Variants in ERC2 observed in about 807,000 individuals in gnomAD.
ERC2 encodes the protein ELKS/RAB6-interacting/CAST family member 2.
A neutral mutation model predicts 114.8 loss-of-function variants in ERC2; 42 were observed. The observed-to-expected ratio is 0.37, with a 90% CI of 0.29 to 0.47. The LOEUF (loss-of-function observed/expected upper bound fraction) is 0.47. Ranked by LOEUF, ERC2 falls within the 20% of genes least tolerant of loss-of-function variation. The pLI, the probability that ERC2 is intolerant of heterozygous loss-of-function variation, is 0.99. For missense variants in ERC2, 939 were observed against 1,150.7 expected (o/e 0.82, Z 2.66); for synonymous variants, 454 against 425.5 (o/e 1.07, Z -0.82).
intron 2 of ERC2, among the ~76,000 whole-genome samples, chr3:56,341,040 C>T (rs776651663): frequency 6.6e-6 from 1 of 152,162 alleles, no homozygotes; most frequent in African/African-American, 2.4e-5. Context: ...GTTGATCCTT[C>T]TTCCTCTGTT....
At chr3:56,047,035 T>A (rs534411601) in intron 7 of ERC2, among the ~76,000 whole-genome samples, 10 of 152,302 alleles carry the variant, frequency 6.6e-5, no homozygotes, top group East Asian at 1.9e-4. Flanking sequence ...GAAGAAAACA[T>A]AAACCCGGGC....
chr3:56,064,967 C>T (rs1401405), intron 7 of ERC2, among the ~76,000 whole-genome samples: 96,626 of 152,120 alleles, frequency 0.64, 31,944 homozygotes, highest in East Asian at 0.74. Context: ...TATTAAGCAC[C>T]TATAACATGC....
At chr3:56,377,863 A>C (rs1164270654) in intron 2 of ERC2, among the ~76,000 whole-genome samples, 1 of 142,902 alleles carries the variant, frequency 7.0e-6, no homozygotes, top group Non-Finnish European at 1.5e-5. Context: ...AAAAAAAAAA[A>C]CAAAAAACAA....
At chr3:55,530,581 T>C (rs946173646) in intron 17 of ERC2, among the ~76,000 whole-genome samples, 8 of 152,162 alleles carry the variant, frequency 5.3e-5, no homozygotes, top group African/African-American at 1.7e-4. Context: ...TCATCTCCTA[T>C]GGTTGGAGCC....
In ERC2 at chr3:55,808,719, AT is replaced by A. The variant is rs1220559255; in HGVS notation, c.2565-73802del. The stretch of plus-strand genomic sequence containing the variant: ...CATAATTTTATATATATATATATAT[AT>A]ATATATATATATATATATATATAAC... On this transcript the variant is annotated intron_variant, in intron 14 of 17. Transcript: ENST00000288221. Among the ~76,000 whole-genome samples the A allele has an allele frequency of 3.7e-3, 415 of 111,142 alleles. 9 individuals carry two copies. The highest frequency in any genetic ancestry group is 0.015 in the African/African-American group (391 of 26,168). The allele number at this position is 111,142 out of a possible 152,430, so 72.9% of individuals were successfully genotyped here.
intron 3 of ERC2, among the ~76,000 whole-genome samples, chr3:56,211,856 A>C (rs998448262): frequency 3.9e-5 from 6 of 152,214 alleles, no homozygotes; most frequent in African/African-American, 1.4e-4. Context: ...TGGGGAAAGA[A>C]CACCCTATTC....
chr3:55,953,617 C>T (rs2149450915), intron 12 of ERC2, among the ~76,000 whole-genome samples: 1 of 152,244 alleles, frequency 6.6e-6, no homozygotes, highest in South Asian at 2.1e-4. Flanking sequence ...AGCAGAGCCT[C>T]ACTACCAGAT....
chr3:55,607,287 T>C (rs1265456481), intron 17 of ERC2, among the ~76,000 whole-genome samples: 3 of 152,010 alleles, frequency 2.0e-5, no homozygotes, highest in African/African-American at 7.2e-5. Context: ...CAACCCAGAC[T>C]GGGGGTGAGT....
intron 2 of ERC2, among the ~76,000 whole-genome samples, chr3:56,341,874 C>T (rs1196242627): frequency 1.3e-5 from 2 of 152,160 alleles, no homozygotes; most frequent in East Asian, 1.9e-4. Context: ...ATGCAGGATT[C>T]GAGATCTCAG....
chr3:55,849,992 G>A (rs1311685571), intron 14 of ERC2, among the ~76,000 whole-genome samples: 1 of 152,196 alleles, frequency 6.6e-6, no homozygotes, highest in Non-Finnish European at 1.5e-5. Flanking sequence ...CAAGATGTCA[G>A]CAGAGTTGGT....
chr3:56,245,877 C>G (rs1464396343), intron 3 of ERC2, among the ~76,000 whole-genome samples: 1 of 152,046 alleles, frequency 6.6e-6, no homozygotes, highest in Non-Finnish European at 1.5e-5. Flanking sequence ...ATTTCCTTCC[C>G]TACCTGAATG....
intron 17 of ERC2, among the ~76,000 whole-genome samples, chr3:55,664,730 AGGTTGTGG>A (rs2061289041): frequency 5.3e-5 from 8 of 152,312 alleles, no homozygotes; most frequent in Middle Eastern, 3.4e-3. Context: ...GCTTCAGGCG[AGGTTGTGG>A]GGAAACCAAA....
intron 7 of ERC2, among the ~76,000 whole-genome samples, chr3:56,065,187 A>G (rs1252050930): frequency 6.6e-6 from 1 of 152,166 alleles, no homozygotes; most frequent in Non-Finnish European, 1.5e-5. Context: ...GGGTCCCCCT[A>G]AAATTGTAAA....
intron 16 of ERC2, among the ~76,000 whole-genome samples, chr3:55,690,774 T>G (rs1457020855): frequency 6.6e-6 from 1 of 152,224 alleles, no homozygotes; most frequent in African/African-American, 2.4e-5. Flanking sequence ...TTTCCCATAC[T>G]CAGTGAAGAC....
chr3:55,579,741 A>G (rs72870490), intron 17 of ERC2, among the ~76,000 whole-genome samples: 30,816 of 152,224 alleles, frequency 0.2, 3,219 homozygotes, highest in African/African-American at 0.26. Flanking sequence ...CGTTTACAGG[A>G]TCTCCTAAAC....
At chr3:56,249,651 C>A (rs975184876) in intron 3 of ERC2, among the ~76,000 whole-genome samples, 2 of 151,544 alleles carry the variant, frequency 1.3e-5, no homozygotes, top group African/African-American at 4.9e-5. Context: ...ACCTTTCTAA[C>A]CCTCAGTTTC....
At chr3:55,866,123 G>C (rs1333631141) in intron 14 of ERC2, among the ~76,000 whole-genome samples, 1 of 152,016 alleles carries the variant, frequency 6.6e-6, no homozygotes, top group Non-Finnish European at 1.5e-5. Context: ...ACTTGTAATT[G>C]CCTGTCTTTT....
At chr3:56,451,230 C>G (rs1296127188) in intron 1 of ERC2, among the ~76,000 whole-genome samples, 1 of 152,188 alleles carries the variant, frequency 6.6e-6, no homozygotes. Flanking sequence ...ACTCTGCCCC[C>G]TTGGCCCTAA....
intron 3 of ERC2, among the ~76,000 whole-genome samples, chr3:56,261,982 G>A (rs1240297257): frequency 6.6e-6 from 1 of 152,102 alleles, no homozygotes; most frequent in African/African-American, 2.4e-5. Flanking sequence ...TTCTGTTCCT[G>A]TGTTAGTTTG....
Sources: allele counts gnomAD v4.1 joint callset (sites outside exome capture counted in the v4.1 genomes callset), GRCh38; gene constraint gnomAD v4.1.1; transcripts MANE v1.5; gene names NCBI Gene and HGNC (gene_info 2026-07-23, HGNC 2026-07-21).